VWA3B: variants seen among roughly 807,000 people sequenced by gnomAD.
VWA3B encodes the protein von Willebrand factor A domain containing 3B.
A neutral mutation model predicts 158.3 loss-of-function variants in VWA3B; 138 were observed. The ratio of observed to expected loss-of-function variants is 0.87; its 90% CI spans 0.76 to 1.00. The LOEUF is 1.00. Among genes scored for constraint, VWA3B ranks in the 50% least tolerant of loss-of-function variants. The pLI, the probability that VWA3B is intolerant of heterozygous loss-of-function variation, is 0.00. For synonymous variants in VWA3B, 596 were observed against 587.3 expected (o/e 1.01, Z -0.21); for missense variants, 1,555 against 1,565.1 (o/e 0.99, Z 0.11).
intron 1 of VWA3B, among the ~76,000 whole-genome samples, chr2:98,090,844 C>T (rs1439910543): frequency 1.3e-5 from 2 of 151,678 alleles, no homozygotes; most frequent in Non-Finnish European, 2.9e-5. Context: ...CAACCTCGAA[C>T]TCCTGGGCTC....
At chr2:98,214,688 C>G (rs1459907724) in intron 13 of VWA3B, among the ~76,000 whole-genome samples, 1 of 152,206 alleles carries the variant, frequency 6.6e-6, no homozygotes, top group Non-Finnish European at 1.5e-5. Context: ...GGCTTCATAT[C>G]ATTTCATAAA....
chr2:98,239,900 G>A (rs972064162), intron 19 of VWA3B, among the ~76,000 whole-genome samples: 11 of 150,078 alleles, frequency 7.3e-5, no homozygotes, highest in African/African-American at 2.7e-4. Context: ...GCAACAGAGC[G>A]AGACTTCATC....
intron 26 of VWA3B, among the ~76,000 whole-genome samples, chr2:98,307,361 T>C (rs62155314): frequency 0.039 from 5,932 of 152,316 alleles, 168 homozygotes; most frequent in Middle Eastern, 0.075. Flanking sequence ...GTATTTGTTC[T>C]GACTGACTAG....
Position 98,312,038 on chromosome 2 carries a change from G to A in VWA3B, c.3735+6G>A, listed in dbSNP as rs781472391. The A allele has an allele frequency of 3.8e-6, 6 of 1,592,336 alleles. No homozygotes were observed. The East Asian group carries it at 1.4e-4, about 36-fold the overall frequency. Reference sequence around the variant, plus strand: ...GGACACACCCCGAGCCCAGGGTTTGGGTGATGGGGGGGGAACACAACATCG... The same window carrying A: ...GGACACACCCCGAGCCCAGGGTTTGAGTGATGGGGGGGGAACACAACATCG... On this transcript the variant is annotated splice_donor_region_variant and intron_variant, in intron 27 of 27. Coordinates refer to ENST00000477737, the MANE Select transcript of VWA3B (RefSeq NM_144992.5).
intron 14 of VWA3B, among the ~76,000 whole-genome samples, chr2:98,227,643 A>G (rs138861431): frequency 2.0e-5 from 3 of 152,354 alleles, no homozygotes; most frequent in African/African-American, 7.2e-5. Context: ...TCAGGAAAAA[A>G]GAGTAATTTC....
rs527270731 is a variant in VWA3B at position 98,221,902 on chromosome 2, G to A, written c.2019+3874G>A. On this transcript the variant is annotated intron_variant, in intron 14 of 27. Transcript: ENST00000477737. ...TCCTCATGTCAGCAGGACTCAGCAC[G>A]AAGCTGAGCCTCTACAAAGACCCAT... Among the ~76,000 whole-genome samples the A allele has an allele frequency of 2.6e-5, 4 of 152,244 alleles. No individual in the cohort carries two copies. The South Asian group carries it at 8.3e-4, about 32-fold the overall frequency.
intron 14 of VWA3B, among the ~76,000 whole-genome samples, chr2:98,221,308 C>T (rs1684483893): frequency 6.6e-6 from 1 of 152,152 alleles, no homozygotes; most frequent in African/African-American, 2.4e-5. Context: ...AAGCCTGTTC[C>T]CCACCACCCC....
At chr2:98,273,599 G>C (rs17493076) in intron 22 of VWA3B, among the ~76,000 whole-genome samples, 5,908 of 152,264 alleles carry the variant, frequency 0.039, 168 homozygotes, top group Middle Eastern at 0.075. Flanking sequence ...TCTTCTCATT[G>C]TGCTTTTCCC....
At chr2:98,283,593 T>A (rs956565029) in intron 22 of VWA3B, among the ~76,000 whole-genome samples, 1 of 152,214 alleles carries the variant, frequency 6.6e-6, no homozygotes, top group Non-Finnish European at 1.5e-5. Context: ...CACTGGAGTA[T>A]GAAGATGGAA....
intron 19 of VWA3B, among the ~76,000 whole-genome samples, chr2:98,249,366 C>T (rs1686646661): frequency 6.6e-6 from 1 of 151,964 alleles, no homozygotes. Flanking sequence ...AATAGGTAAA[C>T]ATAAAGTTAC....
Position 98,229,744 on chromosome 2 carries a change from A to G in VWA3B, c.2151-306A>G, listed in dbSNP as rs1177044293. ...TAGGTGTGCAGGTGACGTTTCCTGCAGTTGATGGATGAGGAAAGTGAAGAA... is the reference window on the plus strand; with the variant it reads ...TAGGTGTGCAGGTGACGTTTCCTGCGGTTGATGGATGAGGAAAGTGAAGAA... On this transcript the variant is annotated intron_variant, in intron 15 of 27. Transcript: ENST00000477737. Among the ~76,000 whole-genome samples, 12 of 152,152 alleles carry G rather than the reference A, an allele frequency of 7.9e-5. No individual in the cohort carries two copies. In the East Asian group the frequency reaches 2.3e-3, roughly 29 times the overall value.
intron 12 of VWA3B, among the ~76,000 whole-genome samples, chr2:98,197,569 T>C (rs1682158606): frequency 6.6e-6 from 1 of 152,222 alleles, no homozygotes; most frequent in Admixed American, 6.5e-5. Context: ...TTGGAATTAT[T>C]CTATAAGGAA....
At chr2:98,133,707 C>T in intron 6 of VWA3B, 117 bp from the exon 7 acceptor site, 1 of 791,578 alleles carries the variant, frequency 1.3e-6, no homozygotes, top group Non-Finnish European at 2.1e-6. Context: ...GTGACCATGG[C>T]TAAGAAGATG....
chr2:98,248,193 A>G (rs1049049839), intron 19 of VWA3B, among the ~76,000 whole-genome samples: 5 of 152,164 alleles, frequency 3.3e-5, no homozygotes, highest in African/African-American at 4.8e-5. Context: ...GAACAACCTA[A>G]TAATAAATAA....
intron 14 of VWA3B, among the ~76,000 whole-genome samples, chr2:98,221,579 A>G (rs1402909620): frequency 6.6e-6 from 1 of 152,226 alleles, no homozygotes; most frequent in Non-Finnish European, 1.5e-5. Flanking sequence ...GGAAGCAGGC[A>G]GCAATGCTCT....
At chr2:98,283,545 T>C (rs1195554178) in intron 22 of VWA3B, among the ~76,000 whole-genome samples, 1 of 152,240 alleles carries the variant, frequency 6.6e-6, no homozygotes, top group Non-Finnish European at 1.5e-5. Context: ...CAGTCTTCCA[T>C]TGAAGAAATG....
intron 23 of VWA3B, among the ~76,000 whole-genome samples, chr2:98,294,658 A>G (rs554962178): frequency 1.3e-5 from 2 of 152,394 alleles, no homozygotes; most frequent in Non-Finnish European, 2.9e-5. Context: ...TTGTTCTGTG[A>G]GAAGCAGCAT....
intron 12 of VWA3B, chr2:98,206,674 T>C (rs1363498056): frequency 8.7e-6 from 3 of 343,572 alleles, no homozygotes; most frequent in Non-Finnish European, 1.7e-5. Context: ...TCATGGAAAT[T>C]AGCGTTGAGC....
At position 98,290,607 on chromosome 2, in the gene VWA3B, G is replaced by A. The variant is rs190568017; in HGVS notation, c.3142G>A (p.Gly1048Ser). 1.5e-3 allele frequency: 2,347 copies of A among 1,594,660 alleles called. 4 individuals carry two copies. The highest frequency in any genetic ancestry group is 1.8e-3 in the Non-Finnish European group (2,109 of 1,173,244). ...GGTTATTGCAAGATGTGATGAAAAT[G>A]GCTTTTATTTTCCAGGTAGTTTTTT... ...QKVIARCDEN[G>S]FYFPGVVKKC... Residue 1048 changes from glycine (G) to serine (S), a missense_variant, in exon 23 of 28, where the codon GGC becomes AGC. By Grantham distance (56) the Gly-to-Ser change is moderately conservative. Coordinates refer to ENST00000477737, the MANE Select transcript of VWA3B (RefSeq NM_144992.5).
Sources: allele counts gnomAD v4.1 joint callset (sites outside exome capture counted in the v4.1 genomes callset), GRCh38; gene constraint gnomAD v4.1.1; transcripts MANE v1.5; gene names NCBI Gene and HGNC (gene_info 2026-07-23, HGNC 2026-07-21).